Variants in ESR1 observed in about 807,000 individuals in gnomAD.
The protein encoded by ESR1 is estrogen receptor.
ESR1 carries 12 observed loss-of-function variants against 52.7 expected under a neutral mutation model. That is an observed-to-expected ratio of 0.23 (90% CI 0.15 to 0.37). The LOEUF (loss-of-function observed/expected upper bound fraction) is 0.37, where lower values mean the gene tolerates loss of function less well. Among genes scored for constraint, ESR1 ranks in the 10% least tolerant of loss-of-function variants. The pLI, the probability that ESR1 is intolerant of heterozygous loss-of-function variation, is 1.00. For missense variants in ESR1, 584 were observed against 779.7 expected (o/e 0.75, Z 2.99); for synonymous variants, 305 against 316.8 (o/e 0.96, Z 0.39).
At chr6:151,950,459 C>T (rs78560786) in intron 4 of ESR1, among the ~76,000 whole-genome samples, 2 of 152,288 alleles carry the variant, frequency 1.3e-5, no homozygotes, top group East Asian at 3.9e-4. Context: ...TGTTAAAGTC[C>T]TAACCCCCAG....
At chr6:152,054,197 T>C (rs1427452867) in intron 5 of ESR1, among the ~76,000 whole-genome samples, 1 of 152,148 alleles carries the variant, frequency 6.6e-6, no homozygotes, top group Non-Finnish European at 1.5e-5. Context: ...AACTAATCAT[T>C]TTTAAGGGAA....
rs140847845 is a variant in ESR1, at chr6:151,918,342, G to A, written c.761-25831G>A. ...TGTAGCAATGAGAGAGGGTATGATTGAGTTCTAATTTAGGAGGAAAGGGGA... is the reference window on the plus strand; with the variant it reads ...TGTAGCAATGAGAGAGGGTATGATTAAGTTCTAATTTAGGAGGAAAGGGGA... On this transcript the variant is annotated intron_variant, in intron 3 of 7. Coordinates refer to ENST00000206249, the MANE Select transcript of ESR1 (RefSeq NM_000125.4). 4.1e-3 allele frequency among the ~76,000 whole-genome samples: 632 copies of A among 152,322 alleles called. 7 individuals carry two copies. The highest frequency in any genetic ancestry group is 0.025 in the Admixed American group (387 of 15,292).
intron 3 of ESR1, among the ~76,000 whole-genome samples, chr6:151,895,328 C>A (rs1795327772): frequency 6.6e-6 from 1 of 152,062 alleles, no homozygotes; most frequent in Non-Finnish European, 1.5e-5. Flanking sequence ...GTTATAAAAT[C>A]ATATCATCAG....
At chr6:151,962,415 C>G (rs1380074920) in intron 4 of ESR1, among the ~76,000 whole-genome samples, 2 of 152,182 alleles carry the variant, frequency 1.3e-5, no homozygotes, top group African/African-American at 4.8e-5. Context: ...TGCCATCCCC[C>G]ACTTGCCTGC....
intron 1 of ESR1, among the ~76,000 whole-genome samples, chr6:151,700,668 CTTTTTTTT>C (rs34905961): frequency 2.6e-5 from 3 of 117,206 alleles, no homozygotes; most frequent in South Asian, 2.8e-4. Flanking sequence ...TTAAACTTTC[CTTTTTTTT>C]TTTTTTTTTT....
At chr6:151,659,000 C>T (rs544445072) in intron 1 of ESR1, among the ~76,000 whole-genome samples, 1 of 152,124 alleles carries the variant, frequency 6.6e-6, no homozygotes, top group Non-Finnish European at 1.5e-5. Flanking sequence ...CCAAGATATG[C>T]TAAGGCAAGT....
At chr6:152,088,591 G>T (rs1293944778) in intron 6 of ESR1, among the ~76,000 whole-genome samples, 5 of 152,194 alleles carry the variant, frequency 3.3e-5, no homozygotes, top group African/African-American at 1.2e-4. Context: ...TATCCCAGGA[G>T]TGGGACTGGT....
intron 5 of ESR1, among the ~76,000 whole-genome samples, chr6:152,033,426 A>T (rs9383605): frequency 0.4 from 60,791 of 152,040 alleles, 14,260 homozygotes; most frequent in African/African-American, 0.65. Context: ...GAATCTACAA[A>T]GAACTCAAAC....
At chr6:151,739,482 A>G (rs956490212) in intron 2 of ESR1, among the ~76,000 whole-genome samples, 1 of 152,180 alleles carries the variant, frequency 6.6e-6, no homozygotes, top group Admixed American at 6.5e-5. Flanking sequence ...AGGGATTCCA[A>G]GTCCCATTCT....
chr6:151,793,438 A>G (rs1583310456), intron 2 of ESR1, among the ~76,000 whole-genome samples: 1 of 152,178 alleles, frequency 6.6e-6, no homozygotes, highest in Non-Finnish European at 1.5e-5. Context: ...TAGAAGGAGT[A>G]CACTAAAATA....
At chr6:151,809,741 C>T (rs747970399) in intron 1 of ESR1, among the ~76,000 whole-genome samples, 1 of 152,192 alleles carries the variant, frequency 6.6e-6, no homozygotes, top group Non-Finnish European at 1.5e-5. Flanking sequence ...CACAGCCACG[C>T]AGATCCAAGC....
chr6:152,117,882 TTTCA>T (rs372078074), intron 6 of ESR1, among the ~76,000 whole-genome samples: 164 of 152,328 alleles, frequency 1.1e-3, no homozygotes, highest in African/African-American at 3.7e-3. Context: ...TCGCTTTCAG[TTTCA>T]TTATCTTTGG....
At chr6:152,039,804 A>G (rs1383443593) in intron 5 of ESR1, among the ~76,000 whole-genome samples, 1 of 152,136 alleles carries the variant, frequency 6.6e-6, no homozygotes, top group African/African-American at 2.4e-5. Context: ...AGGCCATTCC[A>G]CCGTTCTATC....
At chr6:151,823,522 G>A (rs1780944512) in intron 1 of ESR1, among the ~76,000 whole-genome samples, 1 of 151,898 alleles carries the variant, frequency 6.6e-6, no homozygotes, top group African/African-American at 2.4e-5. Context: ...TGCACAATGT[G>A]CAGGTTTGTT....
At chr6:151,702,952 C>T (rs1779908356) in intron 2 of ESR1, among the ~76,000 whole-genome samples, 1 of 152,174 alleles carries the variant, frequency 6.6e-6, no homozygotes, top group Non-Finnish European at 1.5e-5. Context: ...TGAATACTAT[C>T]CTAGCCTTCA....
downstream of ESR1, among the ~76,000 whole-genome samples, chr6:152,105,551 G>GA (rs2051054591): frequency 1.3e-5 from 2 of 150,710 alleles, no homozygotes; most frequent in Non-Finnish European, 3.0e-5. Context: ...TCAGCCTCCC[G>GA]AGTAGCTGGG....
At chr6:151,797,235 A>G (rs1776799177) in intron 2 of ESR1, among the ~76,000 whole-genome samples, 1 of 152,252 alleles carries the variant, frequency 6.6e-6, no homozygotes, top group South Asian at 2.1e-4. Flanking sequence ...ATTGGAAAAC[A>G]TTTGTTTGAA....
At chr6:152,035,944 A>G (rs2045259235) in intron 5 of ESR1, among the ~76,000 whole-genome samples, 1 of 152,220 alleles carries the variant, frequency 6.6e-6, no homozygotes. Context: ...AGCCAAAACT[A>G]AAACTTTTAT....
At chr6:151,994,229 A>G (rs2041275749) in intron 4 of ESR1, among the ~76,000 whole-genome samples, 1 of 152,084 alleles carries the variant, frequency 6.6e-6, no homozygotes, top group African/African-American at 2.4e-5. Flanking sequence ...TCCTTTCTAG[A>G]CCTCAGTTTC....
Sources: allele counts gnomAD v4.1 joint callset (sites outside exome capture counted in the v4.1 genomes callset), GRCh38; gene constraint gnomAD v4.1.1; transcripts MANE v1.5; gene names NCBI Gene and HGNC (gene_info 2026-07-23, HGNC 2026-07-21).